MGMT: variants seen among roughly 807,000 people sequenced by gnomAD.
MGMT encodes O-6-methylguanine-DNA methyltransferase.
In MGMT, 14 loss-of-function variants were observed where a neutral mutation model predicts 15.9. The ratio of observed to expected loss-of-function variants is 0.88; its 90% CI spans 0.58 to 1.37. The LOEUF (loss-of-function observed/expected upper bound fraction) is 1.37, where lower values mean the gene tolerates loss of function less well. Among genes scored for constraint, MGMT ranks in the 40% most tolerant of loss-of-function variants. The pLI is 0.00. For missense variants in MGMT, 282 were observed against 268.1 expected, an observed-to-expected ratio of 1.05 and a Z score of -0.36; for synonymous variants, 130 against 118.2, an observed-to-expected ratio of 1.10 and a Z score of -0.65.
At chr10:129,671,398 G>A (rs1847721170) in intron 2 of MGMT, among the ~76,000 whole-genome samples, 2 of 151,798 alleles carry the variant, frequency 1.3e-5, no homozygotes, top group African/African-American at 2.4e-5. Flanking sequence ...CCAGAGGTTG[G>A]TAAACTATGG....
chr10:129,759,574 G>C (rs1848848030), intron 4 of MGMT, among the ~76,000 whole-genome samples: 2 of 152,136 alleles, frequency 1.3e-5, no homozygotes, highest in Admixed American at 1.3e-4. Flanking sequence ...TCCACTGCAT[G>C]AGCTCCTGGT....
intron 3 of MGMT, among the ~76,000 whole-genome samples, chr10:129,724,234 C>G (rs1332889245): frequency 6.6e-6 from 1 of 152,168 alleles, no homozygotes. Flanking sequence ...CAGACACACA[C>G]AGCCTCGTGG....
intron 1 of MGMT, among the ~76,000 whole-genome samples, chr10:129,526,396 G>A (rs778942175): frequency 1.4e-4 from 22 of 152,006 alleles, no homozygotes; most frequent in Non-Finnish European, 2.6e-4. Flanking sequence ...AGTCAGACAC[G>A]GTCCTCTTCC....
chr10:129,587,146 G>A lies in MGMT; in HGVS notation c.125+50769G>A, dbSNP rs80273924. Reference sequence around the variant, plus strand: ...TGTGGAGCATTTTCCCCCCTCCAGGGGTTTTTGAGTTATGTTCTTTATCGC... The same window carrying A: ...TGTGGAGCATTTTCCCCCCTCCAGGAGTTTTTGAGTTATGTTCTTTATCGC... On this transcript the variant is annotated intron_variant, in intron 2 of 4. Transcript: ENST00000651593. Among the ~76,000 whole-genome samples, 89 of 151,980 alleles carry A rather than the reference G, an allele frequency of 5.9e-4. No homozygotes were observed. The East Asian group carries it at 0.013, about 23-fold the overall frequency.
intron 2 of MGMT, among the ~76,000 whole-genome samples, chr10:129,634,499 A>G (rs1426711804): frequency 1.3e-5 from 2 of 152,094 alleles, no homozygotes; most frequent in Non-Finnish European, 2.9e-5. Context: ...AACCTCACTG[A>G]TAATCCTTCC....
chr10:129,639,620 A>G (rs1448507865), intron 2 of MGMT, among the ~76,000 whole-genome samples: 1 of 152,244 alleles, frequency 6.6e-6, no homozygotes, highest in Non-Finnish European at 1.5e-5. Context: ...GGAAACTTAG[A>G]AAATGTTTTG....
chr10:129,521,001 G>A lies in MGMT; in HGVS notation c.-12-15240G>A, dbSNP rs1273010207. Among the ~76,000 whole-genome samples, 8 of 151,668 alleles carry A rather than the reference G, an allele frequency of 5.3e-5. No individual in the cohort carries two copies. The East Asian group carries it at 1.2e-3, about 22-fold the overall frequency. ...TGCAGAGCCCCTACGGTGCGCGTAC[G>A]GGGCCCCTACGGCACGCAGGCTTGC... On this transcript the variant is annotated intron_variant, in intron 1 of 4. Transcript: ENST00000651593.
At chr10:129,552,155 G>A (rs1054767872) in intron 2 of MGMT, among the ~76,000 whole-genome samples, 2 of 152,348 alleles carry the variant, frequency 1.3e-5, no homozygotes, top group South Asian at 2.1e-4. Context: ...CAGTGGGGCC[G>A]CAGACAGGAG....
At chr10:129,564,641 G>A (rs184922837) in intron 2 of MGMT, among the ~76,000 whole-genome samples, 1 of 22,600 alleles carries the variant, frequency 4.4e-5, no homozygotes, top group Non-Finnish European at 9.7e-5. Flanking sequence ...CCCCTCCTCT[G>A]CTTCCTCACC....
At chr10:129,594,939 A>C (rs2133056801) in intron 2 of MGMT, among the ~76,000 whole-genome samples, 1 of 152,152 alleles carries the variant, frequency 6.6e-6, no homozygotes, top group East Asian at 1.9e-4. Flanking sequence ...GCCAGGCTGG[A>C]GAAGACCGCT....
At chr10:129,663,207 A>T (rs1213562336) in intron 2 of MGMT, among the ~76,000 whole-genome samples, 1 of 152,238 alleles carries the variant, frequency 6.6e-6, no homozygotes, top group Non-Finnish European at 1.5e-5. Flanking sequence ...GTGCAATAAA[A>T]CTATAAATTG....
At chr10:129,584,262 G>T (rs1185786130) in intron 2 of MGMT, among the ~76,000 whole-genome samples, 1 of 152,228 alleles carries the variant, frequency 6.6e-6, no homozygotes, top group Non-Finnish European at 1.5e-5. Context: ...TAGCCCTGAA[G>T]TTGGCAAGCT....
At chr10:129,645,735 C>T (rs909229883) in intron 2 of MGMT, among the ~76,000 whole-genome samples, 1 of 152,230 alleles carries the variant, frequency 6.6e-6, no homozygotes, top group Non-Finnish European at 1.5e-5. Context: ...CACGTTCTTT[C>T]TCCTTAGAGC....
At chr10:129,719,345 G>T (rs1470826382) in intron 3 of MGMT, among the ~76,000 whole-genome samples, 1 of 152,262 alleles carries the variant, frequency 6.6e-6, no homozygotes, top group Non-Finnish European at 1.5e-5. Flanking sequence ...CACATGCTGT[G>T]TGGTTGCCTG....
chr10:129,705,518 G>A (rs1176557607), intron 2 of MGMT, among the ~76,000 whole-genome samples: 1 of 152,184 alleles, frequency 6.6e-6, no homozygotes, highest in Admixed American at 6.5e-5. Context: ...TAACTATAAG[G>A]AAGGTGTTCG....
chr10:129,678,348 C>T (rs1743703307), intron 2 of MGMT, among the ~76,000 whole-genome samples: 1 of 152,074 alleles, frequency 6.6e-6, no homozygotes, highest in South Asian at 2.1e-4. Flanking sequence ...CCAGGCCCCG[C>T]TGCCCTGGCT....
At chr10:129,631,852 G>A (rs956949105) in intron 2 of MGMT, among the ~76,000 whole-genome samples, 1 of 152,132 alleles carries the variant, frequency 6.6e-6, no homozygotes, top group African/African-American at 2.4e-5. Flanking sequence ...AATAAAAAAT[G>A]TATATTTCTA....
chr10:129,624,483 C>T (rs1371735981), intron 2 of MGMT, among the ~76,000 whole-genome samples: 1 of 152,156 alleles, frequency 6.6e-6, no homozygotes, highest in Non-Finnish European at 1.5e-5. Context: ...TGTATTCATA[C>T]TCGAAATAGG....
chr10:129,585,211 T>C (rs921607113), intron 2 of MGMT, among the ~76,000 whole-genome samples: 1 of 152,060 alleles, frequency 6.6e-6, no homozygotes, highest in African/African-American at 2.4e-5. Context: ...GGGCAAATAA[T>C]CAAGCTGGGA....
Sources: allele counts gnomAD v4.1 joint callset (sites outside exome capture counted in the v4.1 genomes callset), GRCh38; gene constraint gnomAD v4.1.1; transcripts MANE v1.5; gene names NCBI Gene and HGNC (gene_info 2026-07-23, HGNC 2026-07-21).